Variants in PTPRD observed in about 807,000 individuals in gnomAD.
PTPRD encodes protein tyrosine phosphatase receptor type D, also known as receptor-type tyrosine-protein phosphatase delta.
Under a neutral mutation model 214.5 loss-of-function variants are expected in PTPRD, and 34 were observed. The observed-to-expected ratio is 0.16, with a 90% CI of 0.12 to 0.21. The LOEUF (loss-of-function observed/expected upper bound fraction) is 0.21, where lower values mean the gene tolerates loss of function less well. PTPRD is among the 10% of genes least tolerant of loss of function. The probability of loss-of-function intolerance (pLI) is 1.00; values close to 1 mark genes in which losing one functional copy is unlikely to be tolerated. For missense variants in PTPRD, 2,545 were observed against 2,398.7 expected (o/e 1.06, Z -1.27); for synonymous variants, 1,128 against 845.7 (o/e 1.33, Z -5.79).
At chr9:9,385,224 T>C (rs918883294) in intron 9 of PTPRD, among the ~76,000 whole-genome samples, 1 of 152,148 alleles carries the variant, frequency 6.6e-6, no homozygotes, top group African/African-American at 2.4e-5. Context: ...TTTTCACCTA[T>C]ATTCATTTGG....
chr9:9,445,620 A>G (rs1214367693), intron 8 of PTPRD, among the ~76,000 whole-genome samples: 1 of 152,072 alleles, frequency 6.6e-6, no homozygotes, highest in Non-Finnish European at 1.5e-5. Flanking sequence ...GCAAAGGGGG[A>G]AAATCCTCTT....
At chr9:9,958,406 C>T (rs1460956143) in intron 4 of PTPRD, among the ~76,000 whole-genome samples, 1 of 152,046 alleles carries the variant, frequency 6.6e-6, no homozygotes, top group Non-Finnish European at 1.5e-5. Context: ...TGGCACGCAC[C>T]TGTAATACCA....
intron 5 of PTPRD, among the ~76,000 whole-genome samples, chr9:9,797,124 A>G (rs1039849444): frequency 6.6e-6 from 1 of 152,090 alleles, no homozygotes; most frequent in Non-Finnish European, 1.5e-5. Context: ...ACATTTTAGA[A>G]GAGAGTGTTA....
chr9:8,991,620 G>T lies in PTPRD; in HGVS notation c.-104+27077C>A, dbSNP rs544665356. ...TAGAGGCTTAGATTTGCCACAAAAT[G>T]GATCAGGAAAACTATTTTCCTTAAT... On this transcript the variant is annotated intron_variant, in intron 11 of 45. Coordinates refer to ENST00000381196, the MANE Select transcript of PTPRD (RefSeq NM_002839.4). Among the ~76,000 whole-genome samples, 5 of 152,178 alleles carry T rather than the reference G, an allele frequency of 3.3e-5. No homozygotes were observed. In the South Asian group the frequency reaches 1.0e-3, roughly 32 times the overall value.
At chr9:8,798,160 T>C (rs1306014931) in intron 11 of PTPRD, among the ~76,000 whole-genome samples, 3 of 152,188 alleles carry the variant, frequency 2.0e-5, no homozygotes, top group Non-Finnish European at 4.4e-5. Flanking sequence ...TATACATCTA[T>C]GGATCAAATT....
chr9:9,282,149 C>G (rs1385191871), intron 9 of PTPRD, among the ~76,000 whole-genome samples: 1 of 151,274 alleles, frequency 6.6e-6, no homozygotes, highest in Non-Finnish European at 1.5e-5. Context: ...GTAAGTGAAA[C>G]TACCCTATAT....
At chr9:8,558,128 C>T (rs894980141) in intron 14 of PTPRD, among the ~76,000 whole-genome samples, 4 of 152,120 alleles carry the variant, frequency 2.6e-5, no homozygotes, top group Admixed American at 2.0e-4. Flanking sequence ...TACAGAGAGA[C>T]GGACAAAGCA....
At chr9:8,700,719 C>G (rs965873506) in intron 12 of PTPRD, 1 of 152,206 alleles carries the variant, frequency 6.6e-6, no homozygotes, top group Non-Finnish European at 1.5e-5. Context: ...ACACACAAAT[C>G]TGAAGTTGCA....
At chr9:8,819,047 C>G (rs2096984565) in intron 11 of PTPRD, among the ~76,000 whole-genome samples, 1 of 152,100 alleles carries the variant, frequency 6.6e-6, no homozygotes, top group South Asian at 2.1e-4. Flanking sequence ...GCATAAAATG[C>G]TAGAAAATGA....
At chr9:10,146,735 TG>T (rs1359951489) in intron 3 of PTPRD, among the ~76,000 whole-genome samples, 1 of 152,042 alleles carries the variant, frequency 6.6e-6, no homozygotes, top group Non-Finnish European at 1.5e-5. Flanking sequence ...TTTTTTTGTT[TG>T]TTTGTTTTGT....
intron 9 of PTPRD, among the ~76,000 whole-genome samples, chr9:9,314,869 AC>A (rs1440369906): frequency 6.6e-6 from 1 of 151,924 alleles, no homozygotes; most frequent in Non-Finnish European, 1.5e-5. Context: ...GGCACAAAGG[AC>A]CTTTTTTTCC....
chr9:10,064,673 AC>A (rs1261659422), intron 3 of PTPRD, among the ~76,000 whole-genome samples: 2 of 151,896 alleles, frequency 1.3e-5, no homozygotes, highest in Non-Finnish European at 2.9e-5. Flanking sequence ...TAAGCAATTA[AC>A]CCACAAAAAC....
chr9:9,375,939 G>T (rs940202043), intron 9 of PTPRD, among the ~76,000 whole-genome samples: 7 of 152,070 alleles, frequency 4.6e-5, no homozygotes, highest in South Asian at 2.1e-4. Context: ...ATGGTAACTT[G>T]CATGTTACAC....
intron 2 of PTPRD, among the ~76,000 whole-genome samples, chr9:10,425,436 C>T (rs949550547): frequency 6.6e-6 from 1 of 151,920 alleles, no homozygotes; most frequent in East Asian, 1.9e-4. Flanking sequence ...CAACCTTTCT[C>T]TCTATCTCTC....
chr9:10,434,722 T>C (rs2098705806), intron 2 of PTPRD, among the ~76,000 whole-genome samples: 1 of 151,968 alleles, frequency 6.6e-6, no homozygotes, highest in African/African-American at 2.4e-5. Context: ...TTGCTATTGG[T>C]GGAGAAGATT....
At chr9:10,338,941 A>C (rs777713751) in intron 3 of PTPRD, among the ~76,000 whole-genome samples, 1 of 103,994 alleles carries the variant, frequency 9.6e-6, no homozygotes, top group Admixed American at 9.3e-5. Flanking sequence ...TAATGTAGAC[A>C]AAAAAAAAAA....
intron 8 of PTPRD, among the ~76,000 whole-genome samples, chr9:9,491,432 A>T (rs1352334783): frequency 6.6e-6 from 1 of 151,980 alleles, no homozygotes; most frequent in African/African-American, 2.4e-5. Flanking sequence ...AATATAATTT[A>T]CCAACTAGAT....
chr9:10,409,184 T>C (rs2098408399), intron 2 of PTPRD, among the ~76,000 whole-genome samples: 1 of 151,846 alleles, frequency 6.6e-6, no homozygotes, highest in Admixed American at 6.6e-5. Context: ...AAAGAAAAAG[T>C]GTGCCAACTT....
At chr9:10,406,739 C>G in intron 2 of PTPRD, among the ~76,000 whole-genome samples, 1 of 151,512 alleles carries the variant, frequency 6.6e-6, no homozygotes, top group South Asian at 2.1e-4. Context: ...AGCACAAAAT[C>G]AAAAATGAGA....
Sources: gnomAD v4.1 joint callset for allele counts (sites outside exome capture counted in the v4.1 genomes callset) on GRCh38, gnomAD v4.1.1 for gene constraint, MANE v1.5 for transcripts, NCBI Gene and HGNC (gene_info 2026-07-23, HGNC 2026-07-21) for gene names.